Variants in R3HDM1 observed in about 807,000 individuals in gnomAD.
R3HDM1 encodes the protein R3H domain-containing protein 1.
Under a neutral mutation model 141.1 loss-of-function variants are expected in R3HDM1, and 46 were observed. The observed-to-expected ratio is 0.33, with a 90% CI of 0.26 to 0.42. The LOEUF (loss-of-function observed/expected upper bound fraction) is 0.42. Ranked by LOEUF, R3HDM1 falls within the 10% of genes least tolerant of loss-of-function variation. R3HDM1 has a pLI of 1.00. For missense variants in R3HDM1, 1,184 were observed against 1,368.3 expected (o/e 0.87, Z 2.12); for synonymous variants, 435 against 472.9 (o/e 0.92, Z 1.04).
In R3HDM1 at chr2:135,621,543, C is replaced by A; in HGVS notation, c.353C>A (p.Pro118His). ...CAATCATTTGAGAAAGAAGAGAAGC[C>A]CTCAAAAGATGAAGCAGAAAAAGAA... ...LTQSFEKEEK[P>H]SKDEAEKEKA... Residue 118 changes from proline (P) to histidine (H), a missense_variant, in exon 6 of 27, where the codon CCC becomes CAC. Around this residue, in one of 5 missense-constraint regions of R3HDM1, gnomAD observed 192 missense variants for 215.7 expected, o/e 0.89. Transcript: ENST00000683871. The A allele has an allele frequency of 6.2e-7, 1 of 1,600,126 alleles. No individual in the cohort carries two copies.
At chr2:135,631,575 ATATT>A (rs1232897010) in intron 7 of R3HDM1, 139 bp from the exon 8 acceptor site, 4 of 551,634 alleles carry the variant, frequency 7.3e-6, no homozygotes, top group African/African-American at 2.0e-5. Context: ...ACATTAATAA[ATATT>A]CTAGCATCAA....
chr2:135,674,551 G>A (rs6746633), intron 19 of R3HDM1, among the ~76,000 whole-genome samples: 17,944 of 152,094 alleles, frequency 0.12, 1,296 homozygotes, highest in South Asian at 0.32. Flanking sequence ...AATACAATTC[G>A]TATTCTCTAC....
chr2:135,587,048 C>G (rs969713374), intron 1 of R3HDM1: 68 of 903,506 alleles, frequency 7.5e-5, no homozygotes, highest in Non-Finnish European at 8.5e-5. Flanking sequence ...GTGCTTGTAA[C>G]AGCAAAACCT....
Position 135,724,445 on chromosome 2 carries a change from A to C in R3HDM1, c.*153A>C. On this transcript the variant is annotated 3_prime_UTR_variant, in exon 27 of 27. Coordinates refer to ENST00000683871, the MANE Select transcript of R3HDM1 (RefSeq NM_001378107.1). ...TTGAAGAAAGGCCAGTGATCCAGCA[A>C]AGGGGGAAAAATATGCATTTCACCC... 8.6e-6 allele frequency: 5 copies of C among 582,450 alleles called. No homozygotes were observed. The allele number at this position is 582,450 out of a possible 1,614,324, so 36.1% of individuals were successfully genotyped here. A position where few individuals can be genotyped will look rare whatever the true frequency, so the allele number is the denominator to read the frequency against.
chr2:135,637,256 G>C (rs1455434235), intron 11 of R3HDM1, among the ~76,000 whole-genome samples: 3 of 152,146 alleles, frequency 2.0e-5, no homozygotes, highest in Non-Finnish European at 4.4e-5. Context: ...GGGAGAGTTA[G>C]CTTCCAAGAA....
chr2:135,608,836 T>A (rs1238187937), intron 3 of R3HDM1, among the ~76,000 whole-genome samples: 2 of 152,206 alleles, frequency 1.3e-5, no homozygotes, highest in African/African-American at 4.8e-5. Context: ...TACTTTGCTC[T>A]CATTCTGAAA....
chr2:135,682,322 A>G (rs952036612), intron 21 of R3HDM1, among the ~76,000 whole-genome samples: 1 of 152,112 alleles, frequency 6.6e-6, no homozygotes, highest in African/African-American at 2.4e-5. Context: ...TATCAAGCCT[A>G]TAAGAACCTA....
intron 1 of R3HDM1, among the ~76,000 whole-genome samples, chr2:135,554,856 G>A (rs1700433218): frequency 6.6e-6 from 1 of 152,118 alleles, no homozygotes; most frequent in Non-Finnish European, 1.5e-5. Context: ...TTAAATTTTT[G>A]TTGTTTAAGC....
intron 1 of R3HDM1, among the ~76,000 whole-genome samples, chr2:135,544,755 G>C (rs543596033): frequency 6.6e-6 from 1 of 152,274 alleles, no homozygotes; most frequent in East Asian, 1.9e-4. Flanking sequence ...GAGGCCAGGA[G>C]CTTGAGACCA....
chr2:135,547,813 G>A (rs1699050812), intron 1 of R3HDM1, among the ~76,000 whole-genome samples: 1 of 125,154 alleles, frequency 8.0e-6, no homozygotes, highest in Non-Finnish European at 1.6e-5. Context: ...TTGCTCTGTC[G>A]CCCAGGCTAG....
chr2:135,614,038 C>G (rs2060789138), intron 3 of R3HDM1, among the ~76,000 whole-genome samples: 1 of 152,170 alleles, frequency 6.6e-6, no homozygotes, highest in East Asian at 1.9e-4. Flanking sequence ...ACTGTGAGGT[C>G]TTTAAGACCA....
chr2:135,629,345 G>C (rs1290769801), intron 7 of R3HDM1, among the ~76,000 whole-genome samples: 1 of 151,162 alleles, frequency 6.6e-6, no homozygotes, highest in Non-Finnish European at 1.5e-5. Flanking sequence ...CAAAACTTGG[G>C]TGAAAGAGGG....
At chr2:135,703,504 AC>A (rs1194595518) in intron 21 of R3HDM1, among the ~76,000 whole-genome samples, 9 of 152,164 alleles carry the variant, frequency 5.9e-5, no homozygotes, top group Non-Finnish European at 1.2e-4. Context: ...CCCTGGGCTC[AC>A]CATTTTATCT....
At chr2:135,654,016 G>A (rs1307538859) in intron 18 of R3HDM1, among the ~76,000 whole-genome samples, 1 of 152,050 alleles carries the variant, frequency 6.6e-6, no homozygotes, top group African/African-American at 2.4e-5. Flanking sequence ...GAACATTTTA[G>A]TTGCATTTAG....
Position 135,616,153 on chromosome 2 carries a change from G to T in R3HDM1, c.173G>T (p.Arg58Leu). Residue 58 changes from arginine (R) to leucine (L), a missense_variant and splice_region_variant, in exon 4 of 27, where the codon CGG (arginine) becomes CTG (leucine). Around this residue, in one of 5 missense-constraint regions of R3HDM1, gnomAD observed 192 missense variants for 215.7 expected, o/e 0.89. Coordinates refer to ENST00000683871, the MANE Select transcript of R3HDM1 (RefSeq NM_001378107.1). ...TACAAATCTTTCTTGTATATTCAGC[G>T]GCCATTGCAGTCATTTGGACAGACA... ...HCIENNIDLQ[R>L]PLQSFGQTGK... The T allele has an allele frequency of 6.2e-7, 1 of 1,612,318 alleles. No individual in the cohort carries two copies. Among genetic ancestry groups the T allele is most frequent in the Non-Finnish European group, 8.5e-7 (1 of 1,178,518 alleles).
chr2:135,581,654 G>A (rs1706833116), intron 1 of R3HDM1, among the ~76,000 whole-genome samples: 1 of 152,232 alleles, frequency 6.6e-6, no homozygotes, highest in East Asian at 1.9e-4. Flanking sequence ...TATCCCAGTT[G>A]ACCATGCCGA....
intron 16 of R3HDM1, 26 bp from the exon 17 acceptor site, chr2:135,649,876 T>A (rs1223077361): frequency 1.1e-5 from 13 of 1,183,586 alleles, no homozygotes; most frequent in Non-Finnish European, 1.4e-5. Context: ...GACATTAACA[T>A]TGTTTGCCAA....
At chr2:135,612,819 G>A (rs2060666057) in intron 3 of R3HDM1, among the ~76,000 whole-genome samples, 1 of 151,970 alleles carries the variant, frequency 6.6e-6, no homozygotes, top group Admixed American at 6.6e-5. Context: ...TCAAATAGAG[G>A]GAATTGCTAC....
chr2:135,584,527 G>A (rs781304457), intron 1 of R3HDM1, among the ~76,000 whole-genome samples: 2 of 152,104 alleles, frequency 1.3e-5, no homozygotes, highest in Non-Finnish European at 2.9e-5. Context: ...CATCCAAAAA[G>A]AATATTAAAA....
Sources: gnomAD v4.1 joint callset for allele counts (sites outside exome capture counted in the v4.1 genomes callset) on GRCh38, gnomAD v4.1.1 for gene constraint, gnomAD v4.1.1 regional missense constraint, MANE v1.5 for transcripts, NCBI Gene and HGNC (gene_info 2026-07-23, HGNC 2026-07-21) for gene names.